ANKRD10: variants seen among roughly 807,000 people sequenced by gnomAD.
ANKRD10 encodes the protein ankyrin repeat domain 10.
ANKRD10 carries 14 observed loss-of-function variants against 27.0 expected under a neutral mutation model. That is an observed-to-expected ratio of 0.52 (90% CI 0.34 to 0.81). The LOEUF is 0.81. ANKRD10 is among the 40% of genes least tolerant of loss of function. The pLI is 0.01. For missense variants in ANKRD10, 493 were observed against 544.0 expected (o/e 0.91, Z 0.93); for synonymous variants, 250 against 224.5 (o/e 1.11, Z -1.01).
chr13:110,904,909 T>C (rs538904674), intron 3 of ANKRD10: 7 of 152,324 alleles, frequency 4.6e-5, no homozygotes, highest in East Asian at 3.9e-4. Flanking sequence ...TCACAGATGA[T>C]TGACAGCCTC....
At chr13:110,908,941 GAA>G (rs922771974) in intron 2 of ANKRD10, among the ~76,000 whole-genome samples, 17 of 152,180 alleles carry the variant, frequency 1.1e-4, no homozygotes, top group African/African-American at 3.4e-4. Flanking sequence ...GGGCTGAAAA[GAA>G]AAAGATTTTA....
chr13:110,885,524 G>A lies in ANKRD10; in HGVS notation c.692-1731C>T, dbSNP rs1024961828. Among the ~76,000 whole-genome samples, 3 of 152,014 alleles carry A rather than the reference G, an allele frequency of 2.0e-5. No individual in the cohort carries two copies. In the South Asian group the frequency reaches 6.2e-4, roughly 32 times the overall value. On this transcript the variant is annotated intron_variant, in intron 4 of 5. Transcript: ENST00000267339. The stretch of plus-strand genomic sequence containing the variant: ...GATTGCGCCACTGCCCTCCAGCCTG[G>A]TGACAGAGCGAGACTCCATCTAAAA...
At chr13:110,885,283 T>C (rs557868405) in intron 4 of ANKRD10, among the ~76,000 whole-genome samples, 1 of 151,068 alleles carries the variant, frequency 6.6e-6, no homozygotes, top group African/African-American at 2.4e-5. Flanking sequence ...CTGGGCATGG[T>C]GGCTCATGCC....
chr13:110,906,327 G>A (rs1188157301), intron 2 of ANKRD10, among the ~76,000 whole-genome samples: 2 of 152,070 alleles, frequency 1.3e-5, no homozygotes, highest in African/African-American at 4.8e-5. Context: ...ATATTTGGTC[G>A]TTGACCAAAT....
At chr13:110,911,676 G>A (rs1161459131) in intron 1 of ANKRD10, 1 of 152,010 alleles carries the variant, frequency 6.6e-6, no homozygotes, top group Non-Finnish European at 1.5e-5. Context: ...CTACTCAGAA[G>A]GCTGAGACAG....
chr13:110,897,212 G>C (rs899687294), intron 3 of ANKRD10, among the ~76,000 whole-genome samples: 1 of 151,248 alleles, frequency 6.6e-6, no homozygotes, highest in African/African-American at 2.4e-5. Flanking sequence ...CCACACCCTG[G>C]AACTCCTGGG....
In ANKRD10 at chr13:110,914,923, C is replaced by T. The variant is rs1343570371; in HGVS notation, c.12G>A (p.Ala4=). The T allele has an allele frequency of 6.5e-7, 1 of 1,533,908 alleles. No homozygotes were observed. Among genetic ancestry groups the T allele is most frequent in the Non-Finnish European group, 8.7e-7 (1 of 1,145,112 alleles). Residue 4 remains alanine (A), a synonymous_variant, in exon 1 of 6, where the codon GCG becomes GCA. Coordinates refer to ENST00000267339, the MANE Select transcript of ANKRD10 (RefSeq NM_017664.4). MSA[A]GAGAGVEAGF... ...CCGCCTCTACGCCCGCGCCCGCTCC[C>T]GCCGCCGACATGGTCCGTCACCGGA... is the stretch of plus-strand genomic sequence containing the variant.
rs772857352 is a variant in ANKRD10, at chr13:110,878,976, T to A, written c.*661A>T. 1 of 152,420 alleles carries A rather than the reference T, an allele frequency of 6.6e-6. No individual in the cohort carries two copies. Among genetic ancestry groups the A allele is most frequent in the Admixed American group, 6.5e-5 (1 of 15,308 alleles). 9.4% of individuals were successfully genotyped at this position (152,420 alleles called of 1,614,324 possible). ...AAACTTCCAGAGACCAAGTAGGAAG[T>A]GTGGAATAAAAACAATAAATCCAAA... On this transcript the variant is annotated 3_prime_UTR_variant, in exon 6 of 6. Transcript: ENST00000267339.
intron 1 of ANKRD10, among the ~76,000 whole-genome samples, chr13:110,914,163 G>A (rs2065807985): frequency 6.6e-6 from 1 of 152,158 alleles, no homozygotes; most frequent in Admixed American, 6.5e-5. Context: ...TCCCGCCGGG[G>A]CGCTTGCTCC....
chr13:110,882,778 T>G (rs1047880892), intron 5 of ANKRD10, among the ~76,000 whole-genome samples: 6 of 152,244 alleles, frequency 3.9e-5, no homozygotes, highest in Non-Finnish European at 5.9e-5. Context: ...CTTTTAAGTT[T>G]AGTGAACACA....
chr13:110,892,436 ATG>A (rs1235430815), intron 4 of ANKRD10, among the ~76,000 whole-genome samples: 55 of 144,554 alleles, frequency 3.8e-4, no homozygotes, highest in African/African-American at 1.3e-3. Flanking sequence ...AAAAAAAAAA[ATG>A]GTGGGAGAAT....
chr13:110,893,026 A>AC lies in ANKRD10; in HGVS notation c.691+1dup, dbSNP rs747990864. On this transcript the variant is annotated splice_donor_variant, in intron 4 of 5. Coordinates refer to ENST00000267339, the MANE Select transcript of ANKRD10 (RefSeq NM_017664.4). LOFTEE classifies it high-confidence loss of function. ...CTCTTCCCACCCGCAAAGCGGTCTC[A>AC]CCTTCAGTTCTAGCTTTCTTTACTC... 6.2e-7 allele frequency: 1 copy of AC among 1,613,798 alleles called. No homozygotes were observed. Among genetic ancestry groups the AC allele is most frequent in the South Asian group, 1.1e-5 (1 of 91,052 alleles).
intron 4 of ANKRD10, among the ~76,000 whole-genome samples, chr13:110,885,571 GAA>G (rs985565914): frequency 4.6e-5 from 7 of 151,784 alleles, no homozygotes; most frequent in African/African-American, 1.7e-4. Flanking sequence ...AAGAAAGAAA[GAA>G]AAAGAAAAAA....
rs74980653 is a variant in ANKRD10 at position 110,908,825 on chromosome 13, A to C, written c.363+1793T>G. Among the ~76,000 whole-genome samples, 1,056 of 152,360 alleles carry C rather than the reference A, an allele frequency of 6.9e-3. 17 individuals carry two copies. The highest frequency in any genetic ancestry group is 0.025 in the African/African-American group (1,028 of 41,576). ...CATGCCAGCAGACCACAACTACCTA[A>C]GATACACTAAGGAGAAATTCCAGGA... is the stretch of plus-strand genomic sequence containing the variant. On this transcript the variant is annotated intron_variant, in intron 2 of 5. Coordinates refer to ENST00000267339, the MANE Select transcript of ANKRD10 (RefSeq NM_017664.4).
chr13:110,900,003 G>A (rs1444847589), intron 3 of ANKRD10, among the ~76,000 whole-genome samples: 5 of 152,176 alleles, frequency 3.3e-5, no homozygotes, highest in Admixed American at 3.3e-4. Context: ...CTTGAGGCCA[G>A]AAGTTTGAGA....
intron 5 of ANKRD10, among the ~76,000 whole-genome samples, chr13:110,880,516 A>G (rs1005361871): frequency 6.6e-6 from 1 of 152,152 alleles, no homozygotes; most frequent in Non-Finnish European, 1.5e-5. Context: ...TGTTCTACAG[A>G]GGGTTCCAAC....
chr13:110,911,306 G>C (rs2065698341), intron 1 of ANKRD10, among the ~76,000 whole-genome samples: 1 of 150,726 alleles, frequency 6.6e-6, no homozygotes, highest in African/African-American at 2.4e-5. Context: ...AAAAAAATTA[G>C]CCGGGCGTGG....
intron 4 of ANKRD10, among the ~76,000 whole-genome samples, chr13:110,888,455 C>G (rs149178403): frequency 6.6e-6 from 1 of 152,060 alleles, no homozygotes; most frequent in African/African-American, 2.4e-5. Flanking sequence ...ATCATCCTGG[C>G]CACATTTTTA....
chr13:110,882,582 G>C (rs1192138937), intron 5 of ANKRD10, among the ~76,000 whole-genome samples: 1 of 152,182 alleles, frequency 6.6e-6, no homozygotes, highest in Non-Finnish European at 1.5e-5. Context: ...CTATTCAAAA[G>C]AAGGTAGCAA....
Sources: allele counts gnomAD v4.1 joint callset (sites outside exome capture counted in the v4.1 genomes callset), GRCh38; gene constraint gnomAD v4.1.1; transcripts MANE v1.5; gene names NCBI Gene and HGNC (gene_info 2026-07-23, HGNC 2026-07-21).